The following HIVEP3 variants were observed in gnomAD, a reference collection of about 807,000 sequenced individuals.
HIVEP3 encodes transcription factor HIVEP3.
A neutral mutation model predicts 152.8 loss-of-function variants in HIVEP3; 49 were observed. The observed-to-expected ratio is 0.32, with a 90% confidence interval of 0.26 to 0.41. HIVEP3 has a LOEUF of 0.41. Among genes scored for constraint, HIVEP3 ranks in the 10% least tolerant of loss-of-function variants. The pLI is 1.00. For missense variants in HIVEP3, 2,790 were observed against 3,103.3 expected, an observed-to-expected ratio of 0.90 and a Z score of 2.40; for synonymous variants, 1,269 against 1,289.0, an observed-to-expected ratio of 0.98 and a Z score of 0.33.
At chr1:41,522,534 C>G (rs1236614546) in intron 6 of HIVEP3, among the ~76,000 whole-genome samples, 1 of 152,158 alleles carries the variant, frequency 6.6e-6, no homozygotes, top group African/African-American at 2.4e-5. Context: ...GGCAGCCTTA[C>G]CTCGGGGGAT....
At chr1:41,669,362 G>A (rs1645841253) in intron 2 of HIVEP3, among the ~76,000 whole-genome samples, 1 of 152,172 alleles carries the variant, frequency 6.6e-6, no homozygotes, top group South Asian at 2.1e-4. Flanking sequence ...TCTGGGGGTG[G>A]GAGGAGGGTG....
chr1:41,676,340 G>A (rs752003296), intron 2 of HIVEP3, among the ~76,000 whole-genome samples: 18 of 152,142 alleles, frequency 1.2e-4, no homozygotes, highest in African/African-American at 4.1e-4. Context: ...GTGAGCCACC[G>A]TGCCCGGCAA....
At chr1:41,822,304 A>G (rs1642631004) in intron 1 of HIVEP3, among the ~76,000 whole-genome samples, 1 of 152,154 alleles carries the variant, frequency 6.6e-6, no homozygotes, top group Admixed American at 6.6e-5. Context: ...GAGGTCTCAA[A>G]AGGTCTGGGC....
chr1:41,528,091 T>C (rs1158721703), intron 5 of HIVEP3, among the ~76,000 whole-genome samples: 35 of 92,134 alleles, frequency 3.8e-4, no homozygotes, highest in East Asian at 1.3e-3. Context: ...CCCTCACACC[T>C]TCACACTCAC....
At chr1:41,839,222 C>A (rs1643214782) in intron 1 of HIVEP3, among the ~76,000 whole-genome samples, 1 of 152,196 alleles carries the variant, frequency 6.6e-6, no homozygotes, top group African/African-American at 2.4e-5. Context: ...CTCTGGCCTC[C>A]TTCTCCTCCC....
chr1:41,625,237 A>G (rs80255948), intron 3 of HIVEP3, among the ~76,000 whole-genome samples: 1 of 33,088 alleles, frequency 3.0e-5, no homozygotes, highest in Admixed American at 1.7e-4. Flanking sequence ...AACAAGAAAG[A>G]AAAAGGAATA....
chr1:41,855,448 C>T (rs1643737047), intron 1 of HIVEP3, among the ~76,000 whole-genome samples: 1 of 152,040 alleles, frequency 6.6e-6, no homozygotes, highest in Non-Finnish European at 1.5e-5. Flanking sequence ...TCGCAACCTA[C>T]TCATCTGACA....
chr1:41,947,937 T>C (rs1039161751), intron 1 of HIVEP3, among the ~76,000 whole-genome samples: 12 of 152,260 alleles, frequency 7.9e-5, no homozygotes, highest in African/African-American at 2.7e-4. Flanking sequence ...GTCAGACAAC[T>C]GTTTGCTTAA....
intron 1 of HIVEP3, among the ~76,000 whole-genome samples, chr1:41,720,910 C>G (rs1324964921): frequency 6.6e-6 from 1 of 152,174 alleles, no homozygotes; most frequent in Non-Finnish European, 1.5e-5. Context: ...ATGGATGAAC[C>G]TGGAGGACAT....
At chr1:41,802,361 A>T (rs1440995548) in intron 1 of HIVEP3, among the ~76,000 whole-genome samples, 1 of 152,112 alleles carries the variant, frequency 6.6e-6, no homozygotes, top group Non-Finnish European at 1.5e-5. Context: ...GGCCACAGGC[A>T]TGTGTCACCA....
chr1:41,576,218 T>C (rs774883479), intron 4 of HIVEP3, among the ~76,000 whole-genome samples: 15 of 152,346 alleles, frequency 9.8e-5, no homozygotes, highest in South Asian at 2.1e-4. Context: ...TTCCAGGATC[T>C]TGGCCCTCCT....
chr1:41,547,712 A>G (rs1164423838), intron 5 of HIVEP3, among the ~76,000 whole-genome samples: 1 of 152,262 alleles, frequency 6.6e-6, no homozygotes, highest in Non-Finnish European at 1.5e-5. Context: ...AAGCCCACAG[A>G]GCATTTATAA....
intron 1 of HIVEP3, among the ~76,000 whole-genome samples, chr1:41,980,670 T>C (rs1645289107): frequency 6.6e-6 from 1 of 152,230 alleles, no homozygotes; most frequent in Non-Finnish European, 1.5e-5. Context: ...TAAAATTGGT[T>C]AATTTTATGG....
intron 3 of HIVEP3, among the ~76,000 whole-genome samples, chr1:41,607,749 AAGGACCTAACTGC>A (rs1196341933): frequency 2.6e-5 from 4 of 152,254 alleles, no homozygotes; most frequent in Non-Finnish European, 5.9e-5. Flanking sequence ...CTCCTATAAC[AAGGACCTAACTGC>A]AGGAGTGGCT....
At chr1:41,532,837 T>C (rs940640872) in intron 5 of HIVEP3, among the ~76,000 whole-genome samples, 5 of 151,872 alleles carry the variant, frequency 3.3e-5, no homozygotes, top group African/African-American at 1.2e-4. Flanking sequence ...GAGAAGGGGA[T>C]ATGTAGATTT....
intron 2 of HIVEP3, among the ~76,000 whole-genome samples, chr1:41,666,956 C>T (rs192744455): frequency 6.6e-6 from 1 of 152,304 alleles, no homozygotes; most frequent in East Asian, 1.9e-4. Context: ...TTTGCACATG[C>T]AGTTCCCTAT....
In HIVEP3 at chr1:41,580,946, G is replaced by A. The variant is rs766727433; in HGVS notation, c.3852C>T (p.Asp1284=). ...GLSPSTEYSS[D]IRLPPVAPPA... is the part of the protein sequence containing the mutation. Reference sequence around the variant, plus strand: ...GGGGAGCCACAGGGGGTAGCCGGATGTCACTGCTGTACTCTGTGCTGGGGG... The same window carrying A: ...GGGGAGCCACAGGGGGTAGCCGGATATCACTGCTGTACTCTGTGCTGGGGG... Residue 1284 remains aspartate, a synonymous_variant, in exon 4 of 9, where the codon GAC becomes GAT. Transcript: ENST00000372583. The A allele has an allele frequency of 1.2e-6, 2 of 1,611,660 alleles. No homozygotes were observed. Among genetic ancestry groups the A allele is most frequent in the South Asian group, 1.1e-5 (1 of 90,468 alleles).
At chr1:41,626,277 G>A (rs1014776391) in intron 3 of HIVEP3, among the ~76,000 whole-genome samples, 14 of 152,208 alleles carry the variant, frequency 9.2e-5, no homozygotes, top group African/African-American at 1.2e-4. Context: ...TGGGAGGGCC[G>A]TGCCAGCAGT....
At chr1:41,908,352 C>G in intron 1 of HIVEP3, among the ~76,000 whole-genome samples, 1 of 152,186 alleles carries the variant, frequency 6.6e-6, no homozygotes, top group East Asian at 1.9e-4. Context: ...CCTATATCTA[C>G]TCAATATCAT....
Sources: allele counts gnomAD v4.1 joint callset (sites outside exome capture counted in the v4.1 genomes callset), GRCh38; gene constraint gnomAD v4.1.1; transcripts MANE v1.5; gene names NCBI Gene and HGNC (gene_info 2026-07-23, HGNC 2026-07-21).